Variants in NKIRAS1 observed in about 807,000 individuals in gnomAD.
NKIRAS1 encodes the protein NF-kappa-B inhibitor-interacting Ras-like protein 1.
A neutral mutation model predicts 19.8 loss-of-function variants in NKIRAS1; 16 were observed. The ratio of observed to expected loss-of-function variants is 0.81; its 90% CI spans 0.55 to 1.23. The LOEUF (loss-of-function observed/expected upper bound fraction) is 1.23. Ranked by LOEUF, NKIRAS1 falls within the 50% of genes most tolerant of loss-of-function variation. The pLI, the probability that NKIRAS1 is intolerant of heterozygous loss-of-function variation, is 0.00. For synonymous variants in NKIRAS1, 88 were observed against 79.0 expected (o/e 1.11, Z -0.61); for missense variants, 184 against 220.0 (o/e 0.84, Z 1.04).
At chr3:23,939,448 G>C (rs959238133) in intron 1 of NKIRAS1, among the ~76,000 whole-genome samples, 3 of 152,108 alleles carry the variant, frequency 2.0e-5, no homozygotes, top group African/African-American at 4.8e-5. Context: ...ATAAAATTAA[G>C]AATGGGAAAC....
rs1705205737 is a variant in NKIRAS1, at chr3:23,926,023, A to G, written c.-139-14573T>C. On this transcript the variant is annotated intron_variant, in intron 1 of 4. Coordinates refer to the NKIRAS1 transcript ENST00000421515. The surrounding 1 kb of genome is among the most constrained non-coding windows in gnomAD (Gnocchi z 4.3). Reference sequence around the variant, plus strand: ...ACCATCACAGAAATTTCTGTTGTATAGTGCCAATTTATTTATTTTTATTTT... The same window carrying G: ...ACCATCACAGAAATTTCTGTTGTATGGTGCCAATTTATTTATTTTTATTTT... 6.6e-6 allele frequency among the ~76,000 whole-genome samples: 1 copy of G among 152,148 alleles called. No homozygotes were observed. The highest frequency in any genetic ancestry group is 1.5e-5 in the Non-Finnish European group (1 of 68,034).
chr3:23,939,255 T>C lies in NKIRAS1; in HGVS notation c.-140+7068A>G, dbSNP rs114900413. Among the ~76,000 whole-genome samples, 1,238 of 151,646 alleles carry C rather than the reference T, an allele frequency of 8.2e-3. 13 individuals are homozygous for C. The highest frequency in any genetic ancestry group is 0.028 in the African/African-American group (1,167 of 41,304). The stretch of plus-strand genomic sequence containing the variant: ...CAAATGTATACGATAAATGTCCAAA[T>C]CAAGAAATGAGAAAAATAAGATAAA... On this transcript the variant is annotated intron_variant, in intron 1 of 4. Transcript: ENST00000421515.
chr3:23,945,169 C>CGGGAAGCG lies in NKIRAS1; in HGVS notation c.-140+1146_-140+1153dup, dbSNP rs1449303117. The stretch of plus-strand genomic sequence containing the variant: ...CAGGAGAAAAGGGTAGCCGGGGAGC[C>CGGGAAGCG]GGGAAGCGGGCGGGAGGGAGGGGAG... On this transcript the variant is annotated intron_variant, in intron 1 of 4. Transcript: ENST00000421515. The CGGGAAGCG allele has an allele frequency of 8.0e-5, 8 of 100,074 alleles. No homozygotes were observed. The Admixed American group carries it at 9.2e-4, about 12-fold the overall frequency. 6.2% of individuals were successfully genotyped at this position (100,074 alleles called of 1,614,324 possible).
intron 1 of NKIRAS1, among the ~76,000 whole-genome samples, chr3:23,928,100 CCACA>C (rs66482461): frequency 0.054 from 7,852 of 145,722 alleles, 240 homozygotes; most frequent in Middle Eastern, 0.093. Context: ...TCTCTACACA[CCACA>C]CACACACACA....
intron 1 of NKIRAS1, chr3:23,945,570 G>GT (rs1315652390): frequency 8.6e-7 from 1 of 1,168,530 alleles, no homozygotes; most frequent in East Asian, 3.9e-5. Context: ...CCGCCTCCGC[G>GT]AGGGCACCAT....
intron 1 of NKIRAS1, among the ~76,000 whole-genome samples, chr3:23,912,633 C>T (rs150882977): frequency 1.4e-4 from 21 of 152,228 alleles, no homozygotes; most frequent in African/African-American, 4.1e-4. Flanking sequence ...GACAGTGTGG[C>T]GATTTCTCAA....
intron 1 of NKIRAS1, among the ~76,000 whole-genome samples, chr3:23,934,044 A>AT (rs1705356790): frequency 6.6e-6 from 1 of 152,214 alleles, no homozygotes; most frequent in Admixed American, 6.5e-5. Flanking sequence ...TCGCATAGTG[A>AT]TTAAGTTTCA....
intron 4 of NKIRAS1, among the ~76,000 whole-genome samples, chr3:23,897,898 A>G (rs1702136007): frequency 6.6e-6 from 1 of 152,248 alleles, no homozygotes; most frequent in Admixed American, 6.5e-5. Flanking sequence ...TGTACCTAGA[A>G]CAATGCCTGG....
upstream of NKIRAS1, chr3:23,920,670 T>G (rs1705028656): frequency 2.0e-6 from 2 of 985,270 alleles, no homozygotes; most frequent in Middle Eastern, 5.2e-4. Flanking sequence ...TCTCCTATCT[T>G]CTCTAGGGGT....
intron 3 of NKIRAS1, among the ~76,000 whole-genome samples, chr3:23,908,226 C>G (rs561273484): frequency 3.3e-5 from 5 of 152,250 alleles, no homozygotes; most frequent in African/African-American, 1.2e-4. Context: ...TAAAAAGATC[C>G]ATTTAAAATG....
chr3:23,936,649 C>T (rs6550812), intron 1 of NKIRAS1, among the ~76,000 whole-genome samples: 1 of 151,160 alleles, frequency 6.6e-6, no homozygotes, highest in Non-Finnish European at 1.5e-5. Context: ...TGGGTTCAAG[C>T]GATTCTCCTG....
At position 23,890,433 on chromosome 3, in the gene NKIRAS1, C is replaced by G; in HGVS notation, c.*2662G>C. 1 of 1,422,082 alleles carries G rather than the reference C, an allele frequency of 7.0e-7. No individual in the cohort carries two copies. Among genetic ancestry groups the G allele is most frequent in the Middle Eastern group, 1.8e-4 (1 of 5,568 alleles). 88.1% of individuals were successfully genotyped at this position (1,422,082 alleles called of 1,614,324 possible). Reference sequence around the variant, plus strand: ...CACATACTTTGTCGTACGTATCTACCCAAGCTGTCACTATTCGCTAAAGTT... The same window carrying G: ...CACATACTTTGTCGTACGTATCTACGCAAGCTGTCACTATTCGCTAAAGTT... On this transcript the variant is annotated 3_prime_UTR_variant, in exon 5 of 5. Transcript: ENST00000425478.
chr3:23,941,048 A>C (rs1473260241), intron 1 of NKIRAS1, among the ~76,000 whole-genome samples: 1 of 152,254 alleles, frequency 6.6e-6, no homozygotes, highest in Admixed American at 6.5e-5. Context: ...CAATTTTAAG[A>C]GTGCAGAGTT....
rs72627076 is a variant in NKIRAS1, at chr3:23,905,697, C to T, written c.95-4648G>A. On this transcript the variant is annotated intron_variant, in intron 3 of 4. Transcript: ENST00000425478. Reference sequence around the variant, plus strand: ...TTCGGAAGCCCCAGGGTCACGACTACGTCCCAGGTAGAGGGCATGTTGAAG... The same window carrying T: ...TTCGGAAGCCCCAGGGTCACGACTATGTCCCAGGTAGAGGGCATGTTGAAG... Among the ~76,000 whole-genome samples, 900 of 151,690 alleles carry T rather than the reference C, an allele frequency of 5.9e-3. 16 individuals carry two copies. The highest frequency in any genetic ancestry group is 0.049 in the East Asian group (254 of 5,156).
At chr3:23,913,558 C>T (rs1167738818) in intron 1 of NKIRAS1, among the ~76,000 whole-genome samples, 1 of 152,114 alleles carries the variant, frequency 6.6e-6, no homozygotes, top group Non-Finnish European at 1.5e-5. Context: ...AACACATACA[C>T]AAAAATACTT....
rs1701532520 is a variant in NKIRAS1 at position 23,892,361 on chromosome 3, A to G, written c.*734T>C. ...AGAAGATACAGTCTTCCTTCCAGAA[A>G]ATACAGCTTTACTGTCCTTAAGTGC... On this transcript the variant is annotated 3_prime_UTR_variant, in exon 5 of 5. Coordinates refer to ENST00000425478, the MANE Select transcript of NKIRAS1 (RefSeq NM_020345.4). 6.6e-6 allele frequency: 1 copy of G among 152,192 alleles called. No homozygotes were observed. Among genetic ancestry groups the G allele is most frequent in the African/African-American group, 2.4e-5 (1 of 41,452 alleles). The allele number at this position is 152,192 out of a possible 1,614,324, so 9.4% of individuals were successfully genotyped here.
upstream of NKIRAS1, chr3:23,918,651 T>C (rs1179412107): frequency 6.5e-7 from 1 of 1,529,344 alleles, no homozygotes; most frequent in East Asian, 2.3e-5. Flanking sequence ...GCAACTTTTC[T>C]GATTGTACTT....
At chr3:23,914,709 G>A (rs1284865286) in intron 1 of NKIRAS1, among the ~76,000 whole-genome samples, 2 of 151,976 alleles carry the variant, frequency 1.3e-5, no homozygotes, top group East Asian at 1.9e-4. Flanking sequence ...AAAATCAACT[G>A]GAAACACAAA....
intron 1 of NKIRAS1, among the ~76,000 whole-genome samples, chr3:23,942,259 G>A (rs1263367480): frequency 2.0e-5 from 3 of 152,060 alleles, no homozygotes; most frequent in Admixed American, 2.0e-4. Context: ...GATTACAAGC[G>A]TGAGCCACCG....
Sources: gnomAD v4.1 joint callset for allele counts (sites outside exome capture counted in the v4.1 genomes callset) on GRCh38, gnomAD v4.1.1 for gene constraint, Gnocchi (gnomAD v3.1) non-coding constraint, MANE v1.5 for transcripts, NCBI Gene and HGNC (gene_info 2026-07-23, HGNC 2026-07-21) for gene names.